The following SNX18 variants were observed in gnomAD, a reference collection of about 807,000 sequenced individuals.
SNX18 encodes the protein sorting nexin 18, also known as sorting nexin-18.
In SNX18, 35 loss-of-function variants were observed where a neutral mutation model predicts 48.7. That is an observed-to-expected ratio of 0.72 (90% CI 0.55 to 0.95). The LOEUF is 0.95. SNX18 is among the 40% of genes least tolerant of loss of function. The pLI, the probability that SNX18 is intolerant of heterozygous loss-of-function variation, is 0.00. For synonymous variants in SNX18, 492 were observed against 384.7 expected (o/e 1.28, Z -3.26); for missense variants, 824 against 871.0 (o/e 0.95, Z 0.68).
the SNX18 span, among the ~76,000 whole-genome samples, chr5:54,626,458 G>A: frequency 1.3e-5 from 2 of 152,222 alleles, no homozygotes; most frequent in Non-Finnish European, 2.9e-5. Context: ...ACACAGCAAA[G>A]AGAATTTCAG....
At chr5:54,585,975 A>G in the SNX18 span, among the ~76,000 whole-genome samples, 2 of 151,164 alleles carry the variant, frequency 1.3e-5, no homozygotes, top group Admixed American at 6.6e-5. Context: ...ACTGCACTCC[A>G]GCCTGGGCGA....
chr5:54,593,558 T>G, the SNX18 span, among the ~76,000 whole-genome samples: 1 of 152,192 alleles, frequency 6.6e-6, no homozygotes, highest in African/African-American at 2.4e-5. Flanking sequence ...CTAAAGTGTA[T>G]ATGAAAATAC....
At chr5:54,540,967 T>C (rs1277179957) in intron 1 of SNX18, among the ~76,000 whole-genome samples, 2 of 152,210 alleles carry the variant, frequency 1.3e-5, no homozygotes, top group Non-Finnish European at 2.9e-5. Context: ...ATTCTCAGTC[T>C]TTCTGAATTT....
the SNX18 span, among the ~76,000 whole-genome samples, chr5:54,588,321 T>A: frequency 2.0e-4 from 4 of 20,002 alleles, no homozygotes; most frequent in Non-Finnish European, 2.7e-4. Flanking sequence ...TTTTTTTTTT[T>A]TTTTTTTTTT....
intron 1 of SNX18, among the ~76,000 whole-genome samples, chr5:54,523,938 C>T (rs1762080320): frequency 6.6e-6 from 1 of 152,228 alleles, no homozygotes; most frequent in Non-Finnish European, 1.5e-5. Context: ...GCCAGGAATA[C>T]AGAGAAAAGC....
chr5:54,556,798 T>C, the SNX18 span, among the ~76,000 whole-genome samples: 1 of 152,204 alleles, frequency 6.6e-6, no homozygotes, highest in Non-Finnish European at 1.5e-5. Context: ...ACTGCCCTTG[T>C]AAAGTCTAGA....
chr5:54,537,624 C>T (rs1319514081), intron 1 of SNX18, among the ~76,000 whole-genome samples: 3 of 151,812 alleles, frequency 2.0e-5, no homozygotes, highest in Non-Finnish European at 4.4e-5. Context: ...CTTTCATTTC[C>T]GTCTTCTGTT....
chr5:54,572,575 T>A, the SNX18 span, among the ~76,000 whole-genome samples: 1 of 151,808 alleles, frequency 6.6e-6, no homozygotes, highest in African/African-American at 2.4e-5. Flanking sequence ...ATAGCTCAAA[T>A]TGATATTCTA....
the SNX18 span, among the ~76,000 whole-genome samples, chr5:54,588,306 C>CTTTTTTTTTT: frequency 3.9e-4 from 29 of 73,914 alleles, 2 homozygotes; most frequent in African/African-American, 5.9e-4. Flanking sequence ...TATTTCTATT[C>CTTTTTTTTTT]TTTTTTTTTT....
At chr5:54,569,350 G>A in the SNX18 span, among the ~76,000 whole-genome samples, 1 of 152,152 alleles carries the variant, frequency 6.6e-6, no homozygotes, top group Admixed American at 6.5e-5. Flanking sequence ...CACTATTCAT[G>A]ATGTTTTGTA....
At chr5:54,548,292 T>G (rs1216181600), downstream of SNX18, among the ~76,000 whole-genome samples, 1 of 152,178 alleles carries the variant, frequency 6.6e-6, no homozygotes, top group Non-Finnish European at 1.5e-5. Flanking sequence ...AAACAAGGTG[T>G]GTGGTATTTT....
At chr5:54,521,175 G>T (rs1010730234) in intron 1 of SNX18, among the ~76,000 whole-genome samples, 3 of 152,122 alleles carry the variant, frequency 2.0e-5, no homozygotes, top group African/African-American at 7.2e-5. Flanking sequence ...CTGTGAGTTT[G>T]TGCAAATTAC....
the SNX18 span, among the ~76,000 whole-genome samples, chr5:54,593,437 T>C: frequency 6.8e-3 from 1,036 of 152,308 alleles, 4 homozygotes; most frequent in Non-Finnish European, 0.011. Context: ...ATTGGAAGAT[T>C]GAAGATTGAA....
intron 1 of SNX18, among the ~76,000 whole-genome samples, chr5:54,526,082 T>A (rs1762126661): frequency 6.6e-6 from 1 of 152,096 alleles, no homozygotes; most frequent in Non-Finnish European, 1.5e-5. Flanking sequence ...CTGACCCAAA[T>A]TAATAGGACT....
chr5:54,620,244 C>G, the SNX18 span, among the ~76,000 whole-genome samples: 2 of 152,046 alleles, frequency 1.3e-5, no homozygotes, highest in Non-Finnish European at 2.9e-5. Context: ...AGAGATGGTG[C>G]ATTATCCCAG....
At chr5:54,555,826 CA>C in the SNX18 span, among the ~76,000 whole-genome samples, 5,492 of 84,876 alleles carry the variant, frequency 0.065, 97 homozygotes, top group East Asian at 0.15. Context: ...GACCTTGTCT[CA>C]AAAAAAAAAA....
the SNX18 span, among the ~76,000 whole-genome samples, chr5:54,587,217 T>C: frequency 2.0e-5 from 3 of 152,282 alleles, no homozygotes; most frequent in African/African-American, 7.2e-5. Context: ...CCAATATCTT[T>C]TAATAATTTT....
the SNX18 span, among the ~76,000 whole-genome samples, chr5:54,637,171 A>G: frequency 6.6e-6 from 1 of 152,198 alleles, no homozygotes; most frequent in Non-Finnish European, 1.5e-5. Context: ...CAGAACATGT[A>G]AAGGGGAGAG....
chr5:54,646,527 C>T, the SNX18 span, among the ~76,000 whole-genome samples: 1 of 152,246 alleles, frequency 6.6e-6, no homozygotes, highest in Non-Finnish European at 1.5e-5. Flanking sequence ...ATATTCTACT[C>T]TCTTCTGAAG....
Sources: allele counts gnomAD v4.1 joint callset (sites outside exome capture counted in the v4.1 genomes callset), GRCh38; gene constraint gnomAD v4.1.1; transcripts MANE v1.5; gene names NCBI Gene and HGNC (gene_info 2026-07-23, HGNC 2026-07-21).